Variants in PPFIA2 observed in about 807,000 individuals in gnomAD.
PPFIA2 encodes the protein PPFI scaffold protein A2.
Under a neutral mutation model 175.5 loss-of-function variants are expected in PPFIA2, and 46 were observed. The ratio of observed to expected loss-of-function variants is 0.26; its 90% CI spans 0.21 to 0.34. The LOEUF (loss-of-function observed/expected upper bound fraction) is 0.34, where lower values mean the gene tolerates loss of function less well. Among genes scored for constraint, PPFIA2 ranks in the 10% least tolerant of loss-of-function variants. PPFIA2 has a pLI of 1.00. For missense variants in PPFIA2, 1,179 were observed against 1,506.1 expected (o/e 0.78, Z 3.60); for synonymous variants, 568 against 511.4 (o/e 1.11, Z -1.49).
intron 4 of PPFIA2, among the ~76,000 whole-genome samples, chr12:81,565,675 C>T (rs2071138080): frequency 6.6e-6 from 1 of 152,122 alleles, no homozygotes; most frequent in Non-Finnish European, 1.5e-5. Context: ...TATAGACCAA[C>T]TCCTAAACAC....
rs1480596241 is a variant in PPFIA2, at chr12:81,349,054, A to G, written c.1995-1284T>C. Among the ~76,000 whole-genome samples the G allele has an allele frequency of 2.6e-5, 4 of 152,180 alleles. No individual in the cohort carries two copies. The East Asian group carries it at 7.7e-4, about 29-fold the overall frequency. ...AATTTATTCGCTAAATTTATTCAAT[A>G]GGAAATACTTCTCTGGTGTACGTTT... On this transcript the variant is annotated intron_variant, in intron 17 of 32. Coordinates refer to ENST00000549396, the MANE Select transcript of PPFIA2 (RefSeq NM_003625.5).
intron 4 of PPFIA2, chr12:81,675,435 AAACT>A: frequency 6.6e-6 from 1 of 152,026 alleles, no homozygotes; most frequent in East Asian, 1.9e-4. Context: ...AGGGTATGAC[AAACT>A]AACTTATTTT....
chr12:81,449,155 C>T (rs181344230), intron 5 of PPFIA2, among the ~76,000 whole-genome samples: 25 of 152,216 alleles, frequency 1.6e-4, no homozygotes, highest in African/African-American at 5.5e-4. Context: ...AAAGAAGTGA[C>T]CATGGTTTCA....
At chr12:81,568,565 A>G (rs767075610) in intron 4 of PPFIA2, among the ~76,000 whole-genome samples, 8 of 152,154 alleles carry the variant, frequency 5.3e-5, no homozygotes, top group Non-Finnish European at 1.2e-4. Flanking sequence ...CAGGCACTCA[A>G]ATCTGCAGCT....
At chr12:81,440,113 TA>T in intron 6 of PPFIA2, 67 bp from the exon 7 acceptor site, 1 of 1,164,150 alleles carries the variant, frequency 8.6e-7, no homozygotes, top group Non-Finnish European at 1.2e-6. Flanking sequence ...GCTGAATCCA[TA>T]ATTAACATCA....
chr12:81,586,312 C>T (rs539911565), intron 4 of PPFIA2, among the ~76,000 whole-genome samples: 1 of 151,770 alleles, frequency 6.6e-6, no homozygotes, highest in Non-Finnish European at 1.5e-5. Flanking sequence ...CTGAGGTTTG[C>T]TTTTTGATAT....
intron 4 of PPFIA2, among the ~76,000 whole-genome samples, chr12:81,495,620 C>A (rs1180251645): frequency 6.6e-6 from 1 of 151,998 alleles, no homozygotes; most frequent in Non-Finnish European, 1.5e-5. Context: ...GCCTGGGCAA[C>A]ATAGTGAAAC....
chr12:81,445,520 G>A, intron 6 of PPFIA2, 36 bp downstream of exon 6: 2 of 1,590,270 alleles, frequency 1.3e-6, no homozygotes, highest in Non-Finnish European at 1.7e-6. Flanking sequence ...GATGACAGAA[G>A]TGTAGTTAAG....
intron 4 of PPFIA2, among the ~76,000 whole-genome samples, chr12:81,657,151 C>T (rs1458145699): frequency 6.6e-6 from 1 of 152,140 alleles, no homozygotes; most frequent in Admixed American, 6.6e-5. Context: ...ATTTTCCTTC[C>T]AGATGAGTGC....
rs373929908 is a variant in PPFIA2, at chr12:81,679,336, TAA to T, written c.250-2494_250-2493del. Among the ~76,000 whole-genome samples the T allele has an allele frequency of 2.3e-3, 353 of 152,044 alleles. 1 individual carries two copies. The highest frequency in any genetic ancestry group is 8.3e-3 in the African/African-American group (343 of 41,550). On this transcript the variant is annotated intron_variant, in intron 3 of 32. Transcript: ENST00000549396. The stretch of plus-strand genomic sequence containing the variant: ...ATGTCTTTCTTTGTAGAAAGGCATA[TAA>T]GTTATATTAATGATATAAATTTTAA...
intron 7 of PPFIA2, among the ~76,000 whole-genome samples, chr12:81,412,761 T>G (rs2044223299): frequency 6.6e-6 from 1 of 151,990 alleles, no homozygotes; most frequent in African/African-American, 2.4e-5. Context: ...TACTTTATAT[T>G]GTATTTGTTT....
chr12:81,342,324 A>G (rs892945184), intron 19 of PPFIA2, among the ~76,000 whole-genome samples: 2 of 152,164 alleles, frequency 1.3e-5, no homozygotes, highest in Non-Finnish European at 2.9e-5. Context: ...AAACACAGCT[A>G]AAGACTTATG....
In PPFIA2 at chr12:81,385,115, C is replaced by T. The variant is rs117908911; in HGVS notation, c.763-871G>A. 1.5e-3 allele frequency among the ~76,000 whole-genome samples: 230 copies of T among 152,146 alleles called. 4 individuals carry two copies. The East Asian group carries it at 0.028, about 19-fold the overall frequency. ...CAGATACATGAAAAAATGCTCAATA[C>T]CAACAACGCATCAGGAAAATGCAAA... On this transcript the variant is annotated intron_variant, in intron 8 of 32. Coordinates refer to ENST00000549396, the MANE Select transcript of PPFIA2 (RefSeq NM_003625.5).
At chr12:81,280,216 C>T (rs948702079) in intron 27 of PPFIA2, among the ~76,000 whole-genome samples, 2 of 152,130 alleles carry the variant, frequency 1.3e-5, no homozygotes, top group Non-Finnish European at 2.9e-5. Flanking sequence ...TGGAGAGTTT[C>T]GTGCTAAGGA....
chr12:81,464,115 G>A (rs2055149356), intron 4 of PPFIA2, among the ~76,000 whole-genome samples: 1 of 152,004 alleles, frequency 6.6e-6, no homozygotes, highest in Non-Finnish European at 1.5e-5. Context: ...CAGGGGTCTT[G>A]CTATGTTGTC....
At position 81,275,771 on chromosome 12, in the gene PPFIA2, A is replaced by G. The variant is rs535322135; in HGVS notation, c.3310+1546T>C. On this transcript the variant is annotated intron_variant, in intron 28 of 32. Coordinates refer to ENST00000549396, the MANE Select transcript of PPFIA2 (RefSeq NM_003625.5). ...AAGCTTTGGTTATATTTTCCTTAAT[A>G]TTTTCTTCTTTTTTTTTTTTTTTCT... 7.2e-4 allele frequency among the ~76,000 whole-genome samples: 107 copies of G among 149,546 alleles called. 4 individuals carry two copies. The South Asian group carries it at 0.021, about 29-fold the overall frequency.
At chr12:81,610,233 G>A (rs145747207) in intron 4 of PPFIA2, among the ~76,000 whole-genome samples, 8 of 152,016 alleles carry the variant, frequency 5.3e-5, no homozygotes, top group African/African-American at 1.2e-4. Flanking sequence ...CCTTGGGGAC[G>A]ATCAACTTAT....
At chr12:81,450,667 G>T (rs919023870) in intron 5 of PPFIA2, among the ~76,000 whole-genome samples, 1 of 152,046 alleles carries the variant, frequency 6.6e-6, no homozygotes, top group African/African-American at 2.4e-5. Flanking sequence ...GTCAATTTTG[G>T]CTTTTGTTGC....
At chr12:81,756,859 T>C (rs948571769) in intron 2 of PPFIA2, among the ~76,000 whole-genome samples, 18 of 152,270 alleles carry the variant, frequency 1.2e-4, no homozygotes, top group Non-Finnish European at 2.2e-4. Context: ...GTAGATACTT[T>C]TGAACTCTTC....
Sources: gnomAD v4.1 joint callset for allele counts (sites outside exome capture counted in the v4.1 genomes callset) on GRCh38, gnomAD v4.1.1 for gene constraint, MANE v1.5 for transcripts, NCBI Gene and HGNC (gene_info 2026-07-23, HGNC 2026-07-21) for gene names.